The following SQOR variants were observed in gnomAD, a reference collection of about 807,000 sequenced individuals.
SQOR encodes the protein sulfide:quinone oxidoreductase, mitochondrial.
In SQOR, 39 loss-of-function variants were observed where a neutral mutation model predicts 48.6. The ratio of observed to expected loss-of-function variants is 0.80; its 90% CI spans 0.62 to 1.05. SQOR has a LOEUF of 1.05. Ranked by LOEUF, SQOR falls within the 50% of genes least tolerant of loss-of-function variation. SQOR has a pLI of 0.00. For synonymous variants in SQOR, 220 were observed against 206.2 expected (o/e 1.07, Z -0.57); for missense variants, 561 against 559.9 (o/e 1.00, Z -0.02).
intron 7 of SQOR, among the ~76,000 whole-genome samples, chr15:45,686,591 TG>T (rs1226170811): frequency 1.3e-5 from 2 of 152,276 alleles, no homozygotes; most frequent in Non-Finnish European, 2.9e-5. Context: ...TGCCTGTTTT[TG>T]TATGGTGGAA....
At chr15:45,661,050 G>A (rs1291738725) in intron 2 of SQOR, among the ~76,000 whole-genome samples, 1 of 152,052 alleles carries the variant, frequency 6.6e-6, no homozygotes, top group Non-Finnish European at 1.5e-5. Context: ...GAGAGGCTGA[G>A]GAAGGCAGAT....
chr15:45,651,835 T>C (rs778453327), intron 1 of SQOR, among the ~76,000 whole-genome samples: 13 of 151,908 alleles, frequency 8.6e-5, no homozygotes, highest in Non-Finnish European at 1.2e-4. Flanking sequence ...TCCTGTATCA[T>C]TGGTAGTTAA....
chr15:45,647,918 T>C (rs917748479), intron 1 of SQOR, among the ~76,000 whole-genome samples: 3 of 152,136 alleles, frequency 2.0e-5, no homozygotes, highest in African/African-American at 7.2e-5. Flanking sequence ...AGCAAGACTG[T>C]CTCAAAAACA....
chr15:45,640,439 C>T (rs1011081161), intron 1 of SQOR, among the ~76,000 whole-genome samples: 31 of 152,212 alleles, frequency 2.0e-4, no homozygotes, highest in African/African-American at 7.5e-4. Flanking sequence ...CTTGATATGC[C>T]CTCAGACAAA....
intron 1 of SQOR, among the ~76,000 whole-genome samples, chr15:45,653,670 C>T (rs1889540653): frequency 6.6e-6 from 1 of 152,124 alleles, no homozygotes; most frequent in South Asian, 2.1e-4. Flanking sequence ...CAGCCCCCTC[C>T]TGAAGCCATC....
At chr15:45,649,861 G>A (rs1889435336) in intron 1 of SQOR, among the ~76,000 whole-genome samples, 3 of 151,778 alleles carry the variant, frequency 2.0e-5, no homozygotes, top group South Asian at 4.1e-4. Context: ...TGTTGTTTTT[G>A]TGTGTGTTTT....
chr15:45,687,769 G>A (rs1462691900), intron 7 of SQOR, among the ~76,000 whole-genome samples: 2 of 152,136 alleles, frequency 1.3e-5, no homozygotes, highest in Non-Finnish European at 2.9e-5. Flanking sequence ...GTCTATCTAG[G>A]AAAGAGACAG....
At chr15:45,667,396 C>T (rs532131172) in intron 3 of SQOR, among the ~76,000 whole-genome samples, 2 of 152,132 alleles carry the variant, frequency 1.3e-5, no homozygotes, top group East Asian at 1.9e-4. Context: ...CTAAGATGTT[C>T]GTGTCAGAGT....
upstream of SQOR, among the ~76,000 whole-genome samples, chr15:45,633,213 A>C (rs1894929756): frequency 6.6e-6 from 1 of 152,124 alleles, no homozygotes; most frequent in Admixed American, 6.5e-5. Flanking sequence ...TTGCACCAAC[A>C]TTCAAGTATG....
At chr15:45,683,721 A>T (rs976247108) in intron 7 of SQOR, among the ~76,000 whole-genome samples, 3 of 152,280 alleles carry the variant, frequency 2.0e-5, no homozygotes, top group Non-Finnish European at 4.4e-5. Context: ...TTTAAAAAAA[A>T]ATCTCAAACC....
intron 5 of SQOR, 21 bp downstream of exon 5, chr15:45,673,822 C>T: frequency 6.2e-7 from 1 of 1,611,104 alleles, no homozygotes; most frequent in Non-Finnish European, 8.5e-7. Flanking sequence ...TTTCTGGGGA[C>T]AGAGATGAGC....
At chr15:45,642,819 G>T (rs1052912216) in intron 1 of SQOR, among the ~76,000 whole-genome samples, 1 of 150,984 alleles carries the variant, frequency 6.6e-6, no homozygotes, top group African/African-American at 2.4e-5. Context: ...CCTTTCCCAC[G>T]TCTTCCGAAA....
rs745741124 is a variant in SQOR at position 45,651,862 on chromosome 15, CCTT to C, written c.-17-7042_-17-7040del. Among the ~76,000 whole-genome samples the C allele has an allele frequency of 3.9e-5, 6 of 151,974 alleles. No individual in the cohort carries two copies. In the East Asian group the frequency reaches 7.7e-4, roughly 20 times the overall value. ...GGTAGTTAATTCTTCTTCTTCTTCTCCTTCTCCTCCTTCTCCTTCTTCTTCTTC... is the reference window on the plus strand; with the variant it reads ...GGTAGTTAATTCTTCTTCTTCTTCTCCTCCTCCTTCTCCTTCTTCTTCTTC... On this transcript the variant is annotated intron_variant, in intron 1 of 9. Transcript: ENST00000260324.
intron 7 of SQOR, among the ~76,000 whole-genome samples, chr15:45,687,695 A>G (rs1005648230): frequency 6.6e-6 from 1 of 152,252 alleles, no homozygotes; most frequent in Non-Finnish European, 1.5e-5. Context: ...AAAGAAAAAC[A>G]GAAACAAATC....
chr15:45,682,439 T>C (rs1890139970), intron 6 of SQOR, 39 bp from the exon 7 acceptor site: 1 of 1,609,190 alleles, frequency 6.2e-7, no homozygotes. Flanking sequence ...TGTAGAAATA[T>C]TGAATAAATG....
At chr15:45,669,833 C>A in intron 3 of SQOR, 95 bp from the exon 4 acceptor site, 1 of 1,057,428 alleles carries the variant, frequency 9.5e-7, no homozygotes, top group Non-Finnish European at 1.5e-6. Flanking sequence ...CCCTGCCTCC[C>A]TTAGACCACA....
intron 1 of SQOR, among the ~76,000 whole-genome samples, chr15:45,636,232 A>G (rs1025842416): frequency 2.6e-5 from 4 of 152,182 alleles, no homozygotes; most frequent in African/African-American, 9.7e-5. Context: ...TGATATGGTA[A>G]TATATATGTC....
chr15:45,662,388 A>G (rs1889736642), intron 3 of SQOR, among the ~76,000 whole-genome samples: 1 of 152,176 alleles, frequency 6.6e-6, no homozygotes, highest in Admixed American at 6.5e-5. Context: ...TTAGTATACT[A>G]TCTTGCACCT....
chr15:45,689,667 G>A (rs778372398), intron 9 of SQOR, among the ~76,000 whole-genome samples: 17 of 152,004 alleles, frequency 1.1e-4, no homozygotes, highest in East Asian at 3.9e-4. Context: ...TGATCCGCCC[G>A]CCTCGGCCTC....
Sources: allele counts gnomAD v4.1 joint callset (sites outside exome capture counted in the v4.1 genomes callset), GRCh38; gene constraint gnomAD v4.1.1; transcripts MANE v1.5; gene names NCBI Gene and HGNC (gene_info 2026-07-23, HGNC 2026-07-21).